ADA: variants seen among roughly 807,000 people sequenced by gnomAD.
ADA encodes adenosine deaminase, also known as adenosine aminohydrolase.
A neutral mutation model predicts 49.0 loss-of-function variants in ADA; 45 were observed. The observed-to-expected ratio is 0.92, with a 90% CI of 0.72 to 1.18. ADA has a LOEUF of 1.18. Ranked by LOEUF, ADA falls within the 50% of genes most tolerant of loss-of-function variation. ADA has a pLI of 0.00. For synonymous variants in ADA, 173 were observed against 184.2 expected (o/e 0.94, Z 0.49); for missense variants, 445 against 472.5 (o/e 0.94, Z 0.54).
At chr20:44,651,553 C>T (rs1310773036) in intron 1 of ADA, 22 bp downstream of exon 1, 3 of 1,531,916 alleles carry the variant, frequency 2.0e-6, no homozygotes, top group East Asian at 2.5e-5. Context: ...CCCCCGTCCC[C>T]GGAGCCCCCG....
At chr20:44,624,442 G>T in intron 5 of ADA, 113 bp from the exon 6 acceptor site, 1 of 1,432,480 alleles carries the variant, frequency 7.0e-7, no homozygotes, top group Non-Finnish European at 9.7e-7. Context: ...ACAAAACAGG[G>T]CTCAGTGTCT....
chr20:44,638,303 T>C (rs1219517865), intron 1 of ADA, among the ~76,000 whole-genome samples: 3 of 152,208 alleles, frequency 2.0e-5, no homozygotes, highest in African/African-American at 7.2e-5. Flanking sequence ...AGGCTGGGCA[T>C]GGGGGCTCAC....
At chr20:44,648,473 C>T (rs2065613342) in intron 1 of ADA, among the ~76,000 whole-genome samples, 1 of 152,038 alleles carries the variant, frequency 6.6e-6, no homozygotes, top group Non-Finnish European at 1.5e-5. Context: ...GGTATAGGGA[C>T]CGAGGCCCTT....
intron 1 of ADA, among the ~76,000 whole-genome samples, chr20:44,640,273 G>T (rs891792412): frequency 3.3e-5 from 5 of 151,790 alleles, no homozygotes; most frequent in Non-Finnish European, 1.5e-5. Context: ...AATCAGCCAG[G>T]CATGGTGGCA....
At chr20:44,629,208 A>G in intron 2 of ADA, 39 bp from the exon 3 acceptor site, 1 of 1,613,732 alleles carries the variant, frequency 6.2e-7, no homozygotes, top group Non-Finnish European at 8.5e-7. Flanking sequence ...AACCCGGGGC[A>G]GGATCCAGGC....
chr20:44,628,953 C>A, intron 3 of ADA, 94 bp downstream of exon 3: 11 of 1,583,798 alleles, frequency 6.9e-6, no homozygotes, highest in Non-Finnish European at 9.5e-6. Context: ...GGTTTCAGAG[C>A]AACTTCTCTG....
chr20:44,646,383 G>A (rs746086750), intron 1 of ADA, among the ~76,000 whole-genome samples: 4 of 152,156 alleles, frequency 2.6e-5, no homozygotes, highest in Middle Eastern at 3.2e-3. Context: ...GTTTTAACAG[G>A]TGGCTCTGGT....
intron 2 of ADA, 118 bp from the exon 3 acceptor site, chr20:44,629,287 A>C: frequency 6.9e-7 from 1 of 1,453,244 alleles, no homozygotes; most frequent in East Asian, 2.3e-5. Context: ...AGCAGGAGAC[A>C]TGGGCGTCTC....
At chr20:44,632,316 G>A (rs1054931632) in intron 2 of ADA, among the ~76,000 whole-genome samples, 9 of 152,188 alleles carry the variant, frequency 5.9e-5, no homozygotes, top group Admixed American at 1.3e-4. Context: ...GGGCCAGGCT[G>A]GGCTTAGGAA....
rs771207375 is a variant in ADA, at chr20:44,626,536, G to C, written c.282C>G (p.Gly94=). The C allele has an allele frequency of 2.4e-5, 38 of 1,614,128 alleles. No homozygotes were observed. The highest frequency in any genetic ancestry group is 3.2e-5 in the Non-Finnish European group (38 of 1,180,016). Residue 94 remains glycine (G), a synonymous_variant, in exon 4 of 12, where the codon GGC becomes GGG. Transcript: ENST00000372874. ...YEFVEMKAKE[G]VVYVEVRYSP... ...TGTACCGCACCTCCACATACACCAC[G>C]CCCTCTTTGGCCTTCATCTCTACAA...
intron 1 of ADA, among the ~76,000 whole-genome samples, chr20:44,641,338 A>T (rs181209994): frequency 1.8e-4 from 28 of 152,290 alleles, no homozygotes; most frequent in South Asian, 6.2e-4. Context: ...ACCGTTCTAG[A>T]GGCCTGAGTG....
intron 3 of ADA, among the ~76,000 whole-genome samples, chr20:44,627,221 G>A (rs1459043312): frequency 1.4e-5 from 2 of 148,030 alleles, no homozygotes; most frequent in African/African-American, 2.5e-5. Context: ...TTGCTCTGTC[G>A]CCCAGGCTGG....
chr20:44,643,972 C>T (rs1168126579), intron 1 of ADA, among the ~76,000 whole-genome samples: 3 of 151,890 alleles, frequency 2.0e-5, no homozygotes, highest in Non-Finnish European at 4.4e-5. Context: ...CTCAGTGTGT[C>T]GGTGGCAGAG....
intron 1 of ADA, among the ~76,000 whole-genome samples, chr20:44,646,118 T>C (rs756023128): frequency 3.3e-5 from 5 of 152,104 alleles, no homozygotes; most frequent in Non-Finnish European, 5.9e-5. Context: ...CCTGAGCAGG[T>C]GGACAAGTCT....
At chr20:44,643,861 G>A (rs1374298135) in intron 1 of ADA, among the ~76,000 whole-genome samples, 2 of 152,134 alleles carry the variant, frequency 1.3e-5, no homozygotes, top group Admixed American at 6.5e-5. Flanking sequence ...CCCACTATGT[G>A]CCAGGCACCG....
At chr20:44,629,680 C>G (rs1170916988) in intron 2 of ADA, among the ~76,000 whole-genome samples, 1 of 152,168 alleles carries the variant, frequency 6.6e-6, no homozygotes, top group Non-Finnish European at 1.5e-5. Flanking sequence ...GCTTGCCCAG[C>G]CCAGCGCACT....
chr20:44,619,989 AAGG>A (rs1342776719), intron 11 of ADA, 142 bp from the exon 12 acceptor site: 7 of 1,189,954 alleles, frequency 5.9e-6, no homozygotes, highest in Admixed American at 3.9e-5. Flanking sequence ...CATAGGAAGA[AAGG>A]AGCAGAACAG....
intron 1 of ADA, among the ~76,000 whole-genome samples, chr20:44,644,329 C>T (rs1159398812): frequency 6.6e-6 from 1 of 152,090 alleles, no homozygotes; most frequent in Non-Finnish European, 1.5e-5. Flanking sequence ...GTGTCCTCAG[C>T]ACCTCGCACA....
At chr20:44,640,773 G>A (rs1220777713) in intron 1 of ADA, among the ~76,000 whole-genome samples, 1 of 151,998 alleles carries the variant, frequency 6.6e-6, no homozygotes, top group African/African-American at 2.4e-5. Context: ...GCAATCACAT[G>A]TATCCTTATA....
Sources: gnomAD v4.1 joint callset for allele counts (sites outside exome capture counted in the v4.1 genomes callset) on GRCh38, gnomAD v4.1.1 for gene constraint, MANE v1.5 for transcripts, NCBI Gene and HGNC (gene_info 2026-07-23, HGNC 2026-07-21) for gene names.